YY1AP1: variants seen among roughly 807,000 people sequenced by gnomAD.
YY1AP1 encodes the protein YY1-associated protein 1.
A neutral mutation model predicts 39.9 loss-of-function variants in YY1AP1; 43 were observed. That is an observed-to-expected ratio of 1.08 (90% CI 0.84 to 1.39). The LOEUF (loss-of-function observed/expected upper bound fraction) is 1.39. YY1AP1 is among the 40% of genes most tolerant of loss of function. The probability of loss-of-function intolerance (pLI) is 0.00; values close to 1 mark genes in which losing one functional copy is unlikely to be tolerated. For missense variants in YY1AP1, 813 were observed against 900.7 expected (o/e 0.90, Z 1.25); for synonymous variants, 292 against 331.3 (o/e 0.88, Z 1.29).
chr1:155,676,442 G>T (rs1650697835), intron 5 of YY1AP1, 106 bp downstream of exon 5: 1 of 1,351,018 alleles, frequency 7.4e-7, no homozygotes, highest in African/African-American at 1.4e-5. Context: ...ACGTAGTAAG[G>T]TAACTATCTC....
intron 2 of YY1AP1, among the ~76,000 whole-genome samples, chr1:155,684,048 G>C (rs1651877839): frequency 6.6e-6 from 1 of 152,184 alleles, no homozygotes; most frequent in Non-Finnish European, 1.5e-5. Context: ...AGGAGTTCGT[G>C]ACCAGCCTGG....
chr1:155,660,337 A>G lies in YY1AP1; in HGVS notation c.1573T>C (p.Tyr525His). The G allele has an allele frequency of 6.2e-7, 1 of 1,614,128 alleles. No individual in the cohort carries two copies. The highest frequency in any genetic ancestry group is 8.5e-7 in the Non-Finnish European group (1 of 1,180,006). ...SPASSMFRKP[Y>H]VRRRPSKRRG... ...CTTTTTGAGGGTCTCCGTCTCACAT[A>G]TGGCTTTCGAAACATGGAAGAGGCA... The change falls in exon 11 of 11, where the codon TAT becomes CAT. Residue 525 changes from tyrosine to histidine, a missense_variant. By Grantham distance (83) the Tyr-to-His change is moderately conservative. This residue lies in a region of YY1AP1 where 586 missense variants were observed against 647.4 expected (regional missense o/e 0.91). Transcript: ENST00000355499.
chr1:155,666,280 C>A (rs1648996848), intron 9 of YY1AP1, among the ~76,000 whole-genome samples: 1 of 152,100 alleles, frequency 6.6e-6, no homozygotes, highest in Non-Finnish European at 1.5e-5. Context: ...CGCCACCACG[C>A]CCAGCCAGTT....
At position 155,660,528 on chromosome 1, in the gene YY1AP1, T is replaced by G. The variant is rs1276692333; in HGVS notation, c.1382A>C (p.Gln461Pro). The change falls in exon 11 of 11, where the codon CAG becomes CCG. Residue 461 changes from glutamine (Q) to proline (P), a missense_variant. By Grantham distance (76) the Gln-to-Pro change is moderately conservative. Transcript: ENST00000355499. ...PHPIQPATVLQTVPGVPPLGV... is the reference protein window; with the variant it reads ...PHPIQPATVLPTVPGVPPLGV... Reference sequence around the variant, plus strand: ...CAGTGGAGGGACACCTGGAACTGTCTGTAAAACAGTGGCTGGCTGTATTGG... The same window carrying G: ...CAGTGGAGGGACACCTGGAACTGTCGGTAAAACAGTGGCTGGCTGTATTGG... The G allele has an allele frequency of 1.2e-6, 2 of 1,614,168 alleles. No homozygotes were observed. Among genetic ancestry groups the G allele is most frequent in the Non-Finnish European group, 1.7e-6 (2 of 1,180,016 alleles).
intron 2 of YY1AP1, 48 bp downstream of exon 2, chr1:155,688,023 C>T: frequency 1.3e-6 from 2 of 1,524,882 alleles, no homozygotes; most frequent in Non-Finnish European, 1.8e-6. Flanking sequence ...GATTCAATCG[C>T]TGAGAGAGTG....
intron 6 of YY1AP1, among the ~76,000 whole-genome samples, chr1:155,674,306 T>A (rs1334343486): frequency 6.6e-6 from 1 of 151,596 alleles, no homozygotes; most frequent in Non-Finnish European, 1.5e-5. Flanking sequence ...ATTATTTAAA[T>A]TAAAACAAAA....
chr1:155,668,727 G>A lies in YY1AP1; in HGVS notation c.779C>T (p.Pro260Leu), dbSNP rs1235157416. Residue 260 changes from proline to leucine, a missense_variant, in exon 9 of 11, where the codon CCT (proline) becomes CTT (leucine). Pro to Leu is a moderately conservative substitution (Grantham distance 98). Coordinates refer to ENST00000355499, the MANE Select transcript of YY1AP1 (RefSeq NM_139119.3). ...KHFEGTEFLNPLISKYLLTCK... is the reference protein window; with the variant it reads ...KHFEGTEFLNLLISKYLLTCK... ...GGTTAGAAGGTACTTGCTGATTAGA[G>A]GGTTAAGAAACTCAGTCCCTTCAAA... 1.2e-6 allele frequency: 2 copies of A among 1,614,064 alleles called. No individual in the cohort carries two copies. The highest frequency in any genetic ancestry group is 8.5e-7 in the Non-Finnish European group (1 of 1,180,040).
In YY1AP1 at chr1:155,679,412, A is replaced by T; in HGVS notation, c.122T>A (p.Leu41Gln). 6.2e-7 allele frequency: 1 copy of T among 1,614,092 alleles called. No homozygotes were observed. The highest frequency in any genetic ancestry group is 8.5e-7 in the Non-Finnish European group (1 of 1,179,934). ...TCAAGGTCTTCAACTAGCCTACCGT[A>T]GAGCTTGAGGGGTGTTAAAGTTAGC... Reference protein sequence around the residue: ...PQANFNTPQALRFEELLANLL... With the variant: ...PQANFNTPQAQRFEELLANLL... Residue 41 changes from leucine to glutamine, a missense_variant, in exon 4 of 11, where the codon CTA becomes CAA. This residue lies in a region of YY1AP1 where 196 missense variants were observed against 189.7 expected (regional missense o/e 1.03). Transcript: ENST00000355499.
In YY1AP1 at chr1:155,688,193, G is replaced by C. The variant is rs1301108452; in HGVS notation, c.-143C>G. Reference sequence around the variant, plus strand: ...CCGCTTGTCAGGAGGCGGCCAGCGGGTAAGCCGACTGGCGGAAATGCGAGA... The same window carrying C: ...CCGCTTGTCAGGAGGCGGCCAGCGGCTAAGCCGACTGGCGGAAATGCGAGA... On this transcript the variant is annotated 5_prime_UTR_variant, in exon 2 of 11. Coordinates refer to ENST00000355499, the MANE Select transcript of YY1AP1 (RefSeq NM_139119.3). The C allele has an allele frequency of 9.3e-6, 15 of 1,613,910 alleles. No individual in the cohort carries two copies. Among genetic ancestry groups the C allele is most frequent in the Admixed American group, 1.7e-5 (1 of 60,012 alleles).
At chr1:155,661,989 C>T (rs1648238655) in intron 9 of YY1AP1, among the ~76,000 whole-genome samples, 1 of 152,150 alleles carries the variant, frequency 6.6e-6, no homozygotes, top group Non-Finnish European at 1.5e-5. Flanking sequence ...GATCTCCATT[C>T]TGGTTGCCAG....
In YY1AP1 at chr1:155,660,320, G is replaced by C. The variant is rs899289079; in HGVS notation, c.1590C>G (p.Pro530=). The C allele has an allele frequency of 9.9e-6, 16 of 1,614,074 alleles. No individual in the cohort carries two copies. The Middle Eastern group carries it at 4.9e-4, about 50-fold the overall frequency. ...AGGCCCTGGCTCCCCTTCTTTTTGAGGGTCTCCGTCTCACATATGGCTTTC... is the reference window on the plus strand; with the variant it reads ...AGGCCCTGGCTCCCCTTCTTTTTGACGGTCTCCGTCTCACATATGGCTTTC... The part of the protein sequence containing the change: ...MFRKPYVRRR[P]SKRRGARAFR... The change falls in exon 11 of 11, where the codon CCC becomes CCG. Residue 530 remains proline (P), a synonymous_variant. Coordinates refer to ENST00000355499, the MANE Select transcript of YY1AP1 (RefSeq NM_139119.3).
In YY1AP1 at chr1:155,660,157, G is replaced by T. The variant is rs1427310381; in HGVS notation, c.1753C>A (p.Pro585Thr). 6.2e-7 allele frequency: 1 copy of T among 1,614,192 alleles called. No individual in the cohort carries two copies. The change falls in exon 11 of 11, where the codon CCC becomes ACC. Residue 585 changes from proline (P) to threonine (T), a missense_variant. Around this residue, in one of 3 missense-constraint regions of YY1AP1, gnomAD observed 586 missense variants for 647.4 expected, o/e 0.91. Transcript: ENST00000355499. The part of the protein sequence containing the change: ...QPVNAAVAQS[P>T]QTIPIATLLV... ...AGGGTGGCGATGGGAATAGTCTGGG[G>T]ACTCTGGGCCACAGCCGCATTGACA...
intron 9 of YY1AP1, among the ~76,000 whole-genome samples, chr1:155,665,528 G>A (rs1648853368): frequency 6.6e-6 from 1 of 151,878 alleles, no homozygotes; most frequent in South Asian, 2.1e-4. Flanking sequence ...GAACCCGGGA[G>A]GCGGACGTTG....
At chr1:155,678,741 G>C (rs1434366709) in intron 4 of YY1AP1, among the ~76,000 whole-genome samples, 1 of 152,182 alleles carries the variant, frequency 6.6e-6, no homozygotes, top group Non-Finnish European at 1.5e-5. Context: ...GTGCTGTTAA[G>C]TTCAAACACA....
chr1:155,687,967 C>T (rs1652755430), intron 2 of YY1AP1, 104 bp downstream of exon 2: 2 of 1,318,402 alleles, frequency 1.5e-6, no homozygotes, highest in African/African-American at 3.0e-5. Flanking sequence ...ACTGCTCTCC[C>T]AGAGGTCCAG....
intron 9 of YY1AP1, among the ~76,000 whole-genome samples, chr1:155,665,024 C>A (rs532417195): frequency 6.6e-6 from 1 of 152,062 alleles, no homozygotes; most frequent in African/African-American, 2.4e-5. Flanking sequence ...CCCGCCTCAG[C>A]CTCCCAAAGT....
rs980342814 is a variant in YY1AP1 at position 155,677,783 on chromosome 1, A to G, written c.126-1037T>C. Reference sequence around the variant, plus strand: ...TCCGCGCTACCACCACTGAAGGAACAGAAGAGAAGAAGCATAAAAAAGTAG... The same window carrying G: ...TCCGCGCTACCACCACTGAAGGAACGGAAGAGAAGAAGCATAAAAAAGTAG... On this transcript the variant is annotated intron_variant, in intron 4 of 10. Coordinates refer to ENST00000355499, the MANE Select transcript of YY1AP1 (RefSeq NM_139119.3). Among the ~76,000 whole-genome samples, 41 of 152,202 alleles carry G rather than the reference A, an allele frequency of 2.7e-4. 1 individual carries two copies. The highest frequency in any genetic ancestry group is 2.7e-3 in the Admixed American group (41 of 15,270).
At chr1:155,661,092 C>T in intron 10 of YY1AP1, 179 bp from the exon 11 acceptor site, 1 of 1,485,054 alleles carries the variant, frequency 6.7e-7, no homozygotes, top group Non-Finnish European at 9.0e-7. Context: ...CTCTGAATTT[C>T]CTTTAGCAAA....
At position 155,660,576 on chromosome 1, in the gene YY1AP1, T is replaced by G; in HGVS notation, c.1334A>C (p.Lys445Thr). The change falls in exon 11 of 11, where the codon AAA (lysine) becomes ACA (threonine). Residue 445 changes from lysine (K) to threonine (T), a missense_variant. By Grantham distance (78) the Lys-to-Thr change is moderately conservative. Transcript: ENST00000355499. The part of the protein sequence containing the change: ...QSTHSEAPPS[K>T]MVLRIPHPIQ... The stretch of plus-strand genomic sequence containing the variant: ...TGGGTGAGGAATCCGGAGCACCATT[T>G]TGCTCGGAGGGGCTTCTGAATGAGT... 1 of 1,614,098 alleles carries G rather than the reference T, an allele frequency of 6.2e-7. No homozygotes were observed. Among genetic ancestry groups the G allele is most frequent in the South Asian group, 1.1e-5 (1 of 91,076 alleles).
Sources: allele counts gnomAD v4.1 joint callset (sites outside exome capture counted in the v4.1 genomes callset), GRCh38; gene constraint gnomAD v4.1.1; regional missense constraint gnomAD v4.1.1; transcripts MANE v1.5; gene names NCBI Gene and HGNC (gene_info 2026-07-23, HGNC 2026-07-21).